COA1: variants seen among roughly 807,000 people sequenced by gnomAD.
COA1 encodes the protein cytochrome c oxidase assembly factor 1 homolog.
Under a neutral mutation model 16.0 loss-of-function variants are expected in COA1, and 13 were observed. The observed-to-expected ratio is 0.81, with a 90% CI of 0.53 to 1.29. The LOEUF (loss-of-function observed/expected upper bound fraction) is 1.29, where lower values mean the gene tolerates loss of function less well. COA1 is among the 50% of genes most tolerant of loss of function. The pLI is 0.00. For missense variants in COA1, 179 were observed against 177.0 expected (o/e 1.01, Z -0.06); for synonymous variants, 65 against 65.7 (o/e 0.99, Z 0.05).
rs1477083712 is a variant in COA1, at chr7:43,645,327, G to A, written c.188C>T (p.Ala63Val). 1 of 1,613,898 alleles carries A rather than the reference G, an allele frequency of 6.2e-7. No homozygotes were observed. Residue 63 changes from alanine (A) to valine (V), a missense_variant, in exon 4 of 6, where the codon GCT (alanine) becomes GTT (valine). Ala to Val is a moderately conservative substitution (Grantham distance 64). Coordinates refer to ENST00000223336, the MANE Select transcript of COA1 (RefSeq NM_018224.4). ...QLQSHPEAQE[A>V]LGPPLNIHYL... ...ATGGATGTTGAGAGGAGGGCCCAGA[G>A]CTTCCTGTGCCTCGGGATGGCTCTG...
intron 1 of COA1, chr7:43,665,673 GGGA>G (rs1381423944): frequency 6.6e-6 from 1 of 152,460 alleles, no homozygotes; most frequent in Non-Finnish European, 1.5e-5. Context: ...CACATGGCTG[GGGA>G]GGCCTCAGGA....
intron 1 of COA1, among the ~76,000 whole-genome samples, chr7:43,711,936 A>G (rs1200781291): frequency 6.6e-6 from 1 of 152,146 alleles, no homozygotes; most frequent in African/African-American, 2.4e-5. Context: ...ACGAAGAGAA[A>G]CTAATAACAA....
chr7:43,644,759 T>C (rs13226397), intron 4 of COA1, among the ~76,000 whole-genome samples: 16,977 of 112,730 alleles, frequency 0.15, 1,643 homozygotes, highest in Non-Finnish European at 0.21. Flanking sequence ...GATAGATAGA[T>C]AGGCAGGCAG....
intron 1 of COA1, among the ~76,000 whole-genome samples, chr7:43,677,800 T>TAAAAA (rs11310207): frequency 1.5e-4 from 18 of 116,778 alleles, no homozygotes; most frequent in African/African-American, 6.1e-4. Flanking sequence ...GGCTCTGTCT[T>TAAAAA]AAAAAAAAAA....
intron 1 of COA1, among the ~76,000 whole-genome samples, chr7:43,700,886 A>G (rs1284086075): frequency 6.6e-6 from 1 of 152,116 alleles, no homozygotes; most frequent in Non-Finnish European, 1.5e-5. Flanking sequence ...GACTCACAGC[A>G]ATGATGCCAT....
At chr7:43,686,827 TG>T (rs1563366277) in intron 1 of COA1, among the ~76,000 whole-genome samples, 1 of 152,226 alleles carries the variant, frequency 6.6e-6, no homozygotes, top group Admixed American at 6.5e-5. Context: ...GCTCTGTATA[TG>T]GTACTACCCT....
chr7:43,718,964 G>T (rs1053568958), intron 1 of COA1, among the ~76,000 whole-genome samples: 8 of 121,410 alleles, frequency 6.6e-5, no homozygotes, highest in Non-Finnish European at 1.1e-4. Context: ...CAATCTACCA[G>T]GAATCTACAT....
chr7:43,715,352 C>T (rs1374585309), intron 1 of COA1, among the ~76,000 whole-genome samples: 1 of 151,960 alleles, frequency 6.6e-6, no homozygotes, highest in African/African-American at 2.4e-5. Flanking sequence ...GTGGCAAGCA[C>T]CTGTAGTCCC....
intron 1 of COA1, among the ~76,000 whole-genome samples, chr7:43,694,604 G>T (rs1469872287): frequency 6.6e-6 from 1 of 152,072 alleles, no homozygotes; most frequent in Non-Finnish European, 1.5e-5. Flanking sequence ...ACTCACTCTT[G>T]GTTCTCCTCC....
Position 43,645,255 on chromosome 7 carries a change from G to C in COA1, c.260C>G (p.Ala87Gly), listed in dbSNP as rs1464336137. Reference sequence around the variant, plus strand: ...TTCGCAGGGAAAGCACATTACCTTGGCATCAACAATGTCCACGAAGTTTTC... The same window carrying C: ...TTCGCAGGGAAAGCACATTACCTTGCCATCAACAATGTCCACGAAGTTTTC... ...DRENFVDIVDAKLKIPVSGSK... is the reference protein window; with the variant it reads ...DRENFVDIVDGKLKIPVSGSK... Residue 87 changes from alanine to glycine, a missense_variant, in exon 4 of 6, where the codon GCC becomes GGC. Ala to Gly is a moderately conservative substitution (Grantham distance 60, BLOSUM62 0). Transcript: ENST00000223336. 1 of 1,613,834 alleles carries C rather than the reference G, an allele frequency of 6.2e-7. No homozygotes were observed. The highest frequency in any genetic ancestry group is 8.5e-7 in the Non-Finnish European group (1 of 1,179,866).
chr7:43,711,872 T>C (rs1448639119), intron 1 of COA1, among the ~76,000 whole-genome samples: 1 of 152,200 alleles, frequency 6.6e-6, no homozygotes, highest in African/African-American at 2.4e-5. Context: ...CTGACTGAAA[T>C]GTCACTAAGT....
At position 43,720,006 on chromosome 7, in the gene COA1, T is replaced by G. The variant is rs139686053; in HGVS notation, c.-39+9423A>C. On this transcript the variant is annotated intron_variant, in intron 1 of 5. Transcript: ENST00000223336. The stretch of plus-strand genomic sequence containing the variant: ...AAAATAAAAAGTAAAAGGCCAGGCA[T>G]GGTGGCTCACACCTGTAATCCCAGC... Among the ~76,000 whole-genome samples, 429 of 152,248 alleles carry G rather than the reference T, an allele frequency of 2.8e-3. 4 individuals are homozygous for G. The highest frequency in any genetic ancestry group is 9.9e-3 in the African/African-American group (411 of 41,550).
At chr7:43,726,740 C>T (rs371719395) in intron 1 of COA1, among the ~76,000 whole-genome samples, 1 of 152,190 alleles carries the variant, frequency 6.6e-6, no homozygotes, top group Non-Finnish European at 1.5e-5. Context: ...ATCTCATGTG[C>T]TTTTCATTTA....
chr7:43,727,953 A>T (rs1055243763), intron 1 of COA1, among the ~76,000 whole-genome samples: 7 of 151,624 alleles, frequency 4.6e-5, no homozygotes, highest in African/African-American at 1.7e-4. Flanking sequence ...GTACTAATGT[A>T]CTAATTACTT....
chr7:43,685,154 TA>T (rs35252235), intron 1 of COA1, among the ~76,000 whole-genome samples: 29,176 of 127,030 alleles, frequency 0.23, 3,158 homozygotes, highest in African/African-American at 0.25. Context: ...TCCCATCTCT[TA>T]AAAAAAAAAA....
intron 1 of COA1, among the ~76,000 whole-genome samples, chr7:43,707,800 C>A (rs1431314035): frequency 6.6e-6 from 1 of 152,176 alleles, no homozygotes; most frequent in Non-Finnish European, 1.5e-5. Flanking sequence ...CTATTTTGAG[C>A]TAGTACAAAT....
At chr7:43,618,521 T>C (rs1024076619) in intron 6 of COA1, among the ~76,000 whole-genome samples, 3 of 152,152 alleles carry the variant, frequency 2.0e-5, no homozygotes, top group Non-Finnish European at 2.9e-5. Flanking sequence ...AGTGAAGTAT[T>C]TGTAATTTAC....
chr7:43,621,225 T>G (rs2083853887), intron 6 of COA1, among the ~76,000 whole-genome samples: 1 of 152,234 alleles, frequency 6.6e-6, no homozygotes, highest in Non-Finnish European at 1.5e-5. Flanking sequence ...TAAAATTTTT[T>G]ATATATTTTA....
intron 1 of COA1, chr7:43,657,159 A>G (rs1194641179): frequency 1.3e-5 from 2 of 152,270 alleles, no homozygotes; most frequent in Non-Finnish European, 2.9e-5. Context: ...ATATATGTGT[A>G]AACACTAGCA....
Sources: allele counts gnomAD v4.1 joint callset (sites outside exome capture counted in the v4.1 genomes callset), GRCh38; gene constraint gnomAD v4.1.1; transcripts MANE v1.5; gene names NCBI Gene and HGNC (gene_info 2026-07-23, HGNC 2026-07-21).